Variants in FRMD4B observed in about 807,000 individuals in gnomAD.
The protein encoded by FRMD4B is FERM domain containing 4B, also known as FERM domain-containing protein 4B.
A neutral mutation model predicts 141.5 loss-of-function variants in FRMD4B; 74 were observed. The observed-to-expected ratio is 0.52, with a 90% CI of 0.43 to 0.63. The LOEUF (loss-of-function observed/expected upper bound fraction) is 0.63. Ranked by LOEUF, FRMD4B falls within the 30% of genes least tolerant of loss-of-function variation. The probability of loss-of-function intolerance (pLI) is 0.00; values close to 1 mark genes in which losing one functional copy is unlikely to be tolerated. For synonymous variants in FRMD4B, 506 were observed against 467.9 expected (o/e 1.08, Z -1.05); for missense variants, 1,366 against 1,253.4 (o/e 1.09, Z -1.36).
intron 1 of FRMD4B, among the ~76,000 whole-genome samples, chr3:69,461,697 T>C (rs1705710607): frequency 6.7e-6 from 1 of 148,612 alleles, no homozygotes; most frequent in Non-Finnish European, 1.5e-5. Flanking sequence ...ATGAAACAGT[T>C]AAGGGGTGTT....
intron 1 of FRMD4B, among the ~76,000 whole-genome samples, chr3:69,496,409 A>C (rs1706388248): frequency 6.6e-6 from 1 of 152,106 alleles, no homozygotes; most frequent in Non-Finnish European, 1.5e-5. Flanking sequence ...GGCCATATTG[A>C]TTGATTTAAA....
At chr3:69,343,012 G>T (rs547606690) in intron 1 of FRMD4B, among the ~76,000 whole-genome samples, 4 of 151,932 alleles carry the variant, frequency 2.6e-5, no homozygotes, top group Non-Finnish European at 5.9e-5. Flanking sequence ...TGCAGTAGTA[G>T]CACAATCCAT....
intron 1 of FRMD4B, chr3:69,336,389 T>C (rs1702552475): frequency 6.6e-6 from 1 of 152,166 alleles, no homozygotes; most frequent in African/African-American, 2.4e-5. Flanking sequence ...ATTCACTGCA[T>C]TGTAGGCCAT....
chr3:69,488,930 AACTCTTCAAAGAAAAG>A (rs990358543), intron 1 of FRMD4B, among the ~76,000 whole-genome samples: 3 of 151,358 alleles, frequency 2.0e-5, no homozygotes, highest in Non-Finnish European at 4.4e-5. Context: ...TAAGATATAA[AACTCTTCAAAGAAAAG>A]ACAGTAGTAA....
At chr3:69,370,858 G>A (rs1703803619) in intron 1 of FRMD4B, among the ~76,000 whole-genome samples, 1 of 152,206 alleles carries the variant, frequency 6.6e-6, no homozygotes, top group African/African-American at 2.4e-5. Context: ...TAGAGTGGCT[G>A]GAGCAGGCTT....
At chr3:69,311,502 T>C (rs1172333068) in intron 2 of FRMD4B, 145 bp from the exon 3 acceptor site, 4 of 583,694 alleles carry the variant, frequency 6.9e-6, no homozygotes, top group African/African-American at 5.6e-5. Flanking sequence ...ATTAGGTTGA[T>C]GTACTATAGA....
chr3:69,256,045 T>A (rs1040542321), intron 5 of FRMD4B, among the ~76,000 whole-genome samples: 4 of 152,018 alleles, frequency 2.6e-5, no homozygotes, highest in Non-Finnish European at 5.9e-5. Context: ...TGCTGTGAGC[T>A]GTGATTGCGC....
intron 1 of FRMD4B, among the ~76,000 whole-genome samples, chr3:69,482,373 C>A (rs1321559642): frequency 6.6e-6 from 1 of 152,092 alleles, no homozygotes; most frequent in African/African-American, 2.4e-5. Context: ...GCCCTGGAGA[C>A]CTCTGAAGTG....
At chr3:69,377,920 C>T (rs1053992259) in intron 1 of FRMD4B, among the ~76,000 whole-genome samples, 14 of 151,944 alleles carry the variant, frequency 9.2e-5, no homozygotes, top group Admixed American at 9.2e-4. Flanking sequence ...AAGCCATTCT[C>T]CTGCCTCAGC....
chr3:69,375,168 C>A (rs1703934959), intron 1 of FRMD4B, among the ~76,000 whole-genome samples: 1 of 151,398 alleles, frequency 6.6e-6, no homozygotes, highest in African/African-American at 2.4e-5. Context: ...TTCATCCACC[C>A]ACCCACCCAC....
At chr3:69,448,895 C>G (rs1362575786) in intron 1 of FRMD4B, among the ~76,000 whole-genome samples, 1 of 152,052 alleles carries the variant, frequency 6.6e-6, no homozygotes, top group Non-Finnish European at 1.5e-5. Context: ...TCATGTAATG[C>G]TCTAACAAAC....
At chr3:69,274,759 T>A (rs893533671) in intron 5 of FRMD4B, among the ~76,000 whole-genome samples, 2 of 152,224 alleles carry the variant, frequency 1.3e-5, no homozygotes, top group Non-Finnish European at 2.9e-5. Flanking sequence ...CCTCAAGTGA[T>A]CCACTTGCTT....
At chr3:69,223,601 G>A (rs1200699038) in intron 8 of FRMD4B, among the ~76,000 whole-genome samples, 2 of 152,148 alleles carry the variant, frequency 1.3e-5, no homozygotes, top group Non-Finnish European at 2.9e-5. Flanking sequence ...CATTTTGGGA[G>A]GTCAAGGCGG....
At chr3:69,484,277 T>G (rs1706178048) in intron 1 of FRMD4B, among the ~76,000 whole-genome samples, 1 of 152,194 alleles carries the variant, frequency 6.6e-6, no homozygotes, top group Admixed American at 6.5e-5. Context: ...CCCGGTCAGA[T>G]TCCCACAGGG....
At position 69,402,683 on chromosome 3, in the gene FRMD4B, G is replaced by A. The variant is rs77078539; in HGVS notation, c.-1+29951C>T. On this transcript the variant is annotated intron_variant, in intron 2 of 5. Coordinates refer to the FRMD4B transcript ENST00000459638. ...AGATGTACAAAATGAATTTCCCATT[G>A]CCTCTAGATCTCGTGGATACCAAAT... Among the ~76,000 whole-genome samples, 116 of 152,256 alleles carry A rather than the reference G, an allele frequency of 7.6e-4. No individual in the cohort carries two copies. In the East Asian group the frequency reaches 0.019, roughly 25 times the overall value.
intron 1 of FRMD4B, among the ~76,000 whole-genome samples, chr3:69,364,888 A>C (rs1054896283): frequency 2.0e-5 from 3 of 152,196 alleles, no homozygotes; most frequent in African/African-American, 7.2e-5. Context: ...AAATAAATAA[A>C]GGCCTTGGTG....
intron 1 of FRMD4B, among the ~76,000 whole-genome samples, chr3:69,382,044 T>C (rs1033821669): frequency 6.6e-6 from 1 of 152,184 alleles, no homozygotes; most frequent in Non-Finnish European, 1.5e-5. Context: ...TATTTCATTT[T>C]ATTTATTTAT....
intron 2 of FRMD4B, among the ~76,000 whole-genome samples, chr3:69,409,411 C>A (rs980971673): frequency 6.6e-6 from 1 of 152,162 alleles, no homozygotes; most frequent in Admixed American, 6.5e-5. Flanking sequence ...CTTACAATGA[C>A]CCAGTAGAAG....
chr3:69,272,982 T>C (rs1430751453), intron 5 of FRMD4B, among the ~76,000 whole-genome samples: 2 of 152,348 alleles, frequency 1.3e-5, no homozygotes, highest in East Asian at 1.9e-4. Context: ...AGTCACATTT[T>C]GATTATTCAG....
Sources: gnomAD v4.1 joint callset for allele counts (sites outside exome capture counted in the v4.1 genomes callset) on GRCh38, gnomAD v4.1.1 for gene constraint, MANE v1.5 for transcripts, NCBI Gene and HGNC (gene_info 2026-07-23, HGNC 2026-07-21) for gene names.